The following ALG8 variants were observed in gnomAD, a reference collection of about 807,000 sequenced individuals.
ALG8 encodes ALG8 alpha-1,3-glucosyltransferase.
ALG8 carries 48 observed loss-of-function variants against 70.2 expected under a neutral mutation model. That is an observed-to-expected ratio of 0.68 (90% confidence interval 0.54 to 0.87). ALG8 has a LOEUF of 0.87. Among genes scored for constraint, ALG8 ranks in the 40% least tolerant of loss-of-function variants. ALG8 has a pLI of 0.00. For missense variants in ALG8, 572 were observed against 608.7 expected (o/e 0.94, Z 0.64); for synonymous variants, 234 against 229.0 (o/e 1.02, Z -0.20).
At chr11:78,133,509 T>C (rs1005657185) in intron 1 of ALG8, 3 of 152,204 alleles carry the variant, frequency 2.0e-5, no homozygotes, top group Admixed American at 1.3e-4. Context: ...AGTGCAGGCA[T>C]ACCTTAGAGA....
chr11:78,126,494 T>C (rs1401777614), intron 2 of ALG8, among the ~76,000 whole-genome samples: 4 of 142,602 alleles, frequency 2.8e-5, no homozygotes, highest in Non-Finnish European at 6.0e-5. Context: ...ATTGTGCCAC[T>C]GCACTCCAGC....
intron 1 of ALG8, chr11:78,137,357 C>T (rs1263334546): frequency 6.6e-6 from 1 of 152,244 alleles, no homozygotes; most frequent in Non-Finnish European, 1.5e-5. Flanking sequence ...TTCTCCATAT[C>T]ATCAAGGTTG....
At chr11:78,123,315 G>GAAAAAAAAAAAAAA (rs1220218900) in intron 3 of ALG8, among the ~76,000 whole-genome samples, 106 of 88,420 alleles carry the variant, frequency 1.2e-3, no homozygotes, top group Non-Finnish European at 1.3e-3. Flanking sequence ...GGAAAAAAAA[G>GAAAAAAAAAAAAAA]AAAAAAAAAA....
intron 3 of ALG8, among the ~76,000 whole-genome samples, chr11:78,121,637 C>G (rs896281578): frequency 6.6e-6 from 1 of 151,184 alleles, no homozygotes; most frequent in Non-Finnish European, 1.5e-5. Context: ...CTGTGCTGAT[C>G]TAAAACAAAG....
intron 1 of ALG8, among the ~76,000 whole-genome samples, chr11:78,135,864 GA>G (rs57209723): frequency 5.3e-4 from 74 of 140,812 alleles, no homozygotes; most frequent in African/African-American, 8.0e-4. Flanking sequence ...AAATAAATAA[GA>G]AAAAAAAAAA....
At chr11:78,121,555 GAA>G (rs372128580) in intron 3 of ALG8, among the ~76,000 whole-genome samples, 3 of 99,900 alleles carry the variant, frequency 3.0e-5, no homozygotes, top group Non-Finnish European at 2.2e-5. Context: ...CTTCTCACTA[GAA>G]AAAAAAAAAA....
In ALG8 at chr11:78,139,530, C is replaced by G. The variant is rs1378607791; in HGVS notation, c.59G>C (p.Gly20Ala). 3 of 1,564,114 alleles carry G rather than the reference C, an allele frequency of 1.9e-6. No individual in the cohort carries two copies. The highest frequency in any genetic ancestry group is 2.6e-6 in the Non-Finnish European group (3 of 1,153,854). Reference protein sequence around the residue: ...TGNWFSALALGVTLLKCLLIP... With the variant: ...TGNWFSALALAVTLLKCLLIP... ...GAGAAGGCATTTGAGAAGAGTCACC[C>G]CGAGCGCCAAAGCCGAAAACCAATT... The change falls in exon 1 of 13, where the codon GGG becomes GCG. Residue 20 changes from glycine (G) to alanine (A), a missense_variant. Physicochemically the swap from Gly to Ala is moderately conservative, Grantham distance 60. Coordinates refer to ENST00000299626, the MANE Select transcript of ALG8 (RefSeq NM_024079.5).
chr11:78,121,056 C>A lies in ALG8; in HGVS notation c.478+9G>T, dbSNP rs760174988. On this transcript the variant is annotated intron_variant, in intron 4 of 12. Coordinates refer to ENST00000299626, the MANE Select transcript of ALG8 (RefSeq NM_024079.5). ...AGTAAGGGAATAGTACATAGAATATCAAGGATACGGTCCACAATTAATAAC... is the reference window on the plus strand; with the variant it reads ...AGTAAGGGAATAGTACATAGAATATAAAGGATACGGTCCACAATTAATAAC... The A allele has an allele frequency of 6.3e-7, 1 of 1,597,948 alleles. No homozygotes were observed. The highest frequency in any genetic ancestry group is 2.2e-5 in the East Asian group (1 of 44,750).
chr11:78,108,220 C>T (rs1291187679), intron 9 of ALG8, among the ~76,000 whole-genome samples: 5 of 152,080 alleles, frequency 3.3e-5, no homozygotes, highest in African/African-American at 1.2e-4. Flanking sequence ...GTGGGGGTTG[C>T]AGTGAGCTGA....
chr11:78,133,970 C>T (rs2511184), intron 1 of ALG8, among the ~76,000 whole-genome samples: 33,063 of 151,826 alleles, frequency 0.22, 4,467 homozygotes, highest in African/African-American at 0.38. Flanking sequence ...AAAAAGACAG[C>T]GTACACCTTC....
rs546731184 is a variant in ALG8 at position 78,136,317 on chromosome 11, A to T, written c.95+3177T>A. 9.6e-3 allele frequency among the ~76,000 whole-genome samples: 1,453 copies of T among 152,048 alleles called. 25 individuals carry two copies. Among genetic ancestry groups the T allele is most frequent in the African/African-American group, 0.032 (1,340 of 41,500 alleles). On this transcript the variant is annotated intron_variant, in intron 1 of 12. Transcript: ENST00000299626. ...GTCTCTACCAAAAAGAAAAAAAAAA[A>T]ACAAACCAAAACAAAACACACACAT...
chr11:78,104,333 T>G (rs1473623275), intron 11 of ALG8, 23 bp downstream of exon 11: 2 of 1,546,290 alleles, frequency 1.3e-6, no homozygotes, highest in Non-Finnish European at 1.7e-6. Flanking sequence ...TCAAATATAT[T>G]TTTCTCAGAA....
chr11:78,131,754 C>CT lies in ALG8; in HGVS notation c.96-4319dup. On this transcript the variant is annotated intron_variant, in intron 1 of 12. Coordinates refer to ENST00000299626, the MANE Select transcript of ALG8 (RefSeq NM_024079.5). ...GTGCTGGGATTACAGGTGTGAGCCACTGCACCCAGCCCTGTCTCTAAAAAT... is the reference window on the plus strand; with the variant it reads ...GTGCTGGGATTACAGGTGTGAGCCACTTGCACCCAGCCCTGTCTCTAAAAAT... Among the ~76,000 whole-genome samples the CT allele has an allele frequency of 2.0e-5, 3 of 152,288 alleles. No individual in the cohort carries two copies. The South Asian group carries it at 6.2e-4, about 32-fold the overall frequency.
At chr11:78,127,259 G>A (rs1861121401) in intron 2 of ALG8, 99 bp downstream of exon 2, 1 of 1,124,798 alleles carries the variant, frequency 8.9e-7, no homozygotes, top group Non-Finnish European at 1.3e-6. Context: ...TTACAAGCGT[G>A]AGCCACCGCA....
At chr11:78,113,752 T>C (rs1860420388) in intron 7 of ALG8, 134 bp downstream of exon 7, 1 of 703,488 alleles carries the variant, frequency 1.4e-6, no homozygotes, top group Non-Finnish European at 2.4e-6. Flanking sequence ...TGCCCTATCT[T>C]TGGGGAGTCA....
chr11:78,108,397 T>G (rs1329112719), intron 9 of ALG8, among the ~76,000 whole-genome samples: 1 of 152,078 alleles, frequency 6.6e-6, no homozygotes, highest in Non-Finnish European at 1.5e-5. Flanking sequence ...GCCACTGCAC[T>G]CCAGCCTGGA....
At position 78,106,879 on chromosome 11, in the gene ALG8, CAA is replaced by C; in HGVS notation, c.1104_1105del (p.Ala370LeufsTer12). On this transcript the variant is annotated frameshift_variant, in exon 10 of 13. Coordinates refer to ENST00000299626, the MANE Select transcript of ALG8 (RefSeq NM_024079.5). LOFTEE classifies it high-confidence loss of function. Reference sequence around the variant, plus strand: ...CCCAAACATAAAGGAGCTCAAGGCACAAAGAGTTAGACATCGGAGAAAGCCTC... The same window carrying C: ...CCCAAACATAAAGGAGCTCAAGGCACAGAGTTAGACATCGGAGAAAGCCTC... 6.2e-7 allele frequency: 1 copy of C among 1,614,060 alleles called. No homozygotes were observed. Among genetic ancestry groups the C allele is most frequent in the East Asian group, 2.2e-5 (1 of 44,872 alleles).
At chr11:78,119,271 A>G (rs1184874027) in intron 4 of ALG8, 22 bp from the exon 5 acceptor site, 3 of 1,537,308 alleles carry the variant, frequency 2.0e-6, no homozygotes, top group Non-Finnish European at 2.7e-6. Flanking sequence ...TCAAGGAAAG[A>G]CAACAGAGGA....
chr11:78,129,275 C>T (rs1861204717), intron 1 of ALG8, among the ~76,000 whole-genome samples: 1 of 151,972 alleles, frequency 6.6e-6, no homozygotes, highest in African/African-American at 2.4e-5. Context: ...AAAAAATTAG[C>T]TGGGTGTGGT....
Sources: gnomAD v4.1 joint callset for allele counts (sites outside exome capture counted in the v4.1 genomes callset) on GRCh38, gnomAD v4.1.1 for gene constraint, MANE v1.5 for transcripts, NCBI Gene and HGNC (gene_info 2026-07-23, HGNC 2026-07-21) for gene names.